RNLS: variants seen among roughly 807,000 people sequenced by gnomAD.
RNLS encodes renalase.
RNLS carries 39 observed loss-of-function variants against 39.8 expected under a neutral mutation model. The observed-to-expected ratio is 0.98, with a 90% CI of 0.76 to 1.28. The LOEUF is 1.28. RNLS is among the 50% of genes most tolerant of loss of function. The pLI is 0.00. For missense variants in RNLS, 410 were observed against 413.3 expected, an observed-to-expected ratio of 0.99 and a Z score of 0.07; for synonymous variants, 147 against 150.7, an observed-to-expected ratio of 0.98 and a Z score of 0.18.
the RNLS span, among the ~76,000 whole-genome samples, chr10:88,226,791 C>T: frequency 2.0e-5 from 2 of 101,080 alleles, no homozygotes; most frequent in Admixed American, 1.5e-4. Context: ...AATCTAAAAA[C>T]TTAAGATGCA....
At chr10:88,384,340 T>C (rs1278898896) in intron 4 of RNLS, among the ~76,000 whole-genome samples, 1 of 152,234 alleles carries the variant, frequency 6.6e-6, no homozygotes, top group African/African-American at 2.4e-5. Context: ...GTAAATGAAT[T>C]AACCATTATT....
At chr10:88,477,142 A>G (rs1169410892) in intron 4 of RNLS, among the ~76,000 whole-genome samples, 1 of 152,160 alleles carries the variant, frequency 6.6e-6, no homozygotes, top group East Asian at 1.9e-4. Flanking sequence ...GATACTATCT[A>G]TTATTAGAAC....
chr10:88,440,245 C>T (rs1199202504), intron 4 of RNLS, among the ~76,000 whole-genome samples: 1 of 152,138 alleles, frequency 6.6e-6, no homozygotes, highest in Admixed American at 6.5e-5. Context: ...ATACACAGTG[C>T]TTTAGGCTAA....
At position 88,377,973 on chromosome 10, in the gene RNLS, A is replaced by AT. The variant is rs1016285140; in HGVS notation, c.527-15249dup. 9.4e-3 allele frequency among the ~76,000 whole-genome samples: 1,406 copies of AT among 150,210 alleles called. 17 individuals carry two copies. Among genetic ancestry groups the AT allele is most frequent in the African/African-American group, 0.032 (1,307 of 40,998 alleles). The stretch of plus-strand genomic sequence containing the variant: ...CTTATTTTATAAATTTGTATTTTTA[A>AT]TTTTTTTTTTACTTTTTAAGCTTTA... On this transcript the variant is annotated intron_variant, in intron 4 of 6. Coordinates refer to ENST00000331772, the MANE Select transcript of RNLS (RefSeq NM_001031709.3).
intron 6 of RNLS, among the ~76,000 whole-genome samples, chr10:88,302,870 G>A (rs545676816): frequency 6.6e-6 from 1 of 152,074 alleles, no homozygotes; most frequent in Admixed American, 6.6e-5. Context: ...GCAGGGAGAG[G>A]GGGGAGGCAA....
chr10:88,207,103 T>C, the RNLS span, among the ~76,000 whole-genome samples: 1 of 152,134 alleles, frequency 6.6e-6, no homozygotes, highest in Non-Finnish European at 1.5e-5. Context: ...CAGAAAATCT[T>C]TATGACCTTG....
intron 6 of RNLS, among the ~76,000 whole-genome samples, chr10:88,290,042 C>CA (rs1363615128): frequency 2.1e-4 from 32 of 151,576 alleles, no homozygotes; most frequent in Non-Finnish European, 3.8e-4. Flanking sequence ...TAAAAGTTCA[C>CA]ACAAAAAAGT....
At chr10:88,524,956 C>CACACACACATATATAT (rs768939981) in intron 4 of RNLS, among the ~76,000 whole-genome samples, 5 of 76,292 alleles carry the variant, frequency 6.6e-5, no homozygotes, top group Admixed American at 1.6e-4. Context: ...ATGGCACACA[C>CACACACACATATATAT]ATACATATAT....
intron 4 of RNLS, among the ~76,000 whole-genome samples, chr10:88,438,881 T>A (rs559799651): frequency 6.6e-6 from 1 of 150,888 alleles, no homozygotes; most frequent in African/African-American, 2.4e-5. Context: ...CATATTATCA[T>A]AATAAATTCC....
At chr10:88,401,855 T>C (rs572711762) in intron 4 of RNLS, among the ~76,000 whole-genome samples, 3 of 152,070 alleles carry the variant, frequency 2.0e-5, no homozygotes, top group Non-Finnish European at 4.4e-5. Flanking sequence ...CTAATCCAAC[T>C]ATGGGTAGTG....
chr10:88,521,009 C>A (rs1171013917), intron 4 of RNLS, among the ~76,000 whole-genome samples: 1 of 151,926 alleles, frequency 6.6e-6, no homozygotes, highest in African/African-American at 2.4e-5. Context: ...GAAAAATGTG[C>A]TTAAAATTTC....
At chr10:88,233,600 G>A in the RNLS span, among the ~76,000 whole-genome samples, 1 of 152,098 alleles carries the variant, frequency 6.6e-6, no homozygotes, top group African/African-American at 2.4e-5. Flanking sequence ...GCAATATATG[G>A]GATATACCTA....
At chr10:88,576,208 T>C (rs1486712003) in intron 3 of RNLS, among the ~76,000 whole-genome samples, 1 of 152,212 alleles carries the variant, frequency 6.6e-6, no homozygotes, top group Non-Finnish European at 1.5e-5. Context: ...TTTGTATGTA[T>C]AATTAGTTTA....
chr10:88,471,074 A>G (rs758893097), intron 4 of RNLS, among the ~76,000 whole-genome samples: 18 of 152,086 alleles, frequency 1.2e-4, no homozygotes, highest in Admixed American at 3.3e-4. Context: ...AGGTACCTCA[A>G]TGTTTGTCTA....
chr10:88,358,888 T>C lies in RNLS; in HGVS notation c.700+3664A>G, dbSNP rs113128691. Among the ~76,000 whole-genome samples the C allele has an allele frequency of 2.0e-4, 30 of 152,358 alleles. 1 individual carries two copies. The highest frequency in any genetic ancestry group is 7.2e-4 in the African/African-American group (30 of 41,584). The stretch of plus-strand genomic sequence containing the variant: ...TCTCAACCATGCCAGACTTTGTTTA[T>C]CTTGTTGCTTCTCTACCTTGACAGA... On this transcript the variant is annotated intron_variant, in intron 5 of 6. Transcript: ENST00000331772.
intron 4 of RNLS, among the ~76,000 whole-genome samples, chr10:88,473,745 A>T (rs557583370): frequency 2.0e-5 from 3 of 152,348 alleles, no homozygotes; most frequent in East Asian, 3.9e-4. Flanking sequence ...GAGATTTTTT[A>T]AAAATGAAGT....
At chr10:88,380,765 C>A (rs907192795) in intron 4 of RNLS, among the ~76,000 whole-genome samples, 4 of 152,094 alleles carry the variant, frequency 2.6e-5, no homozygotes, top group African/African-American at 4.8e-5. Context: ...CACTTTTATA[C>A]CTTTTCTTAT....
chr10:88,259,023 T>G, the RNLS span: 1 of 152,228 alleles, frequency 6.6e-6, no homozygotes, highest in Non-Finnish European at 1.5e-5. Flanking sequence ...ACTTAAATCA[T>G]TCTGTAATTC....
chr10:88,583,257 A>C lies in RNLS; in HGVS notation c.-67T>G, dbSNP rs1490512172. 23 of 1,590,256 alleles carry C rather than the reference A, an allele frequency of 1.4e-5. No individual in the cohort carries two copies. Among genetic ancestry groups the C allele is most frequent in the South Asian group, 9.0e-5 (8 of 88,658 alleles). On this transcript the variant is annotated 5_prime_UTR_variant, in exon 1 of 7. Transcript: ENST00000331772. Reference sequence around the variant, plus strand: ...GGCCGTTCGGCCCGGGCTTTCTGGAAAGGCGGCCGAACCGGCGCTAGCGCT... The same window carrying C: ...GGCCGTTCGGCCCGGGCTTTCTGGACAGGCGGCCGAACCGGCGCTAGCGCT...
Sources: gnomAD v4.1 joint callset for allele counts (sites outside exome capture counted in the v4.1 genomes callset) on GRCh38, gnomAD v4.1.1 for gene constraint, MANE v1.5 for transcripts, NCBI Gene and HGNC (gene_info 2026-07-23, HGNC 2026-07-21) for gene names.